Variants in TRIM14 observed in about 807,000 individuals in gnomAD.
TRIM14 encodes the protein tripartite motif-containing protein 14.
In TRIM14, 28 loss-of-function variants were observed where a neutral mutation model predicts 44.5. That is an observed-to-expected ratio of 0.63 (90% CI 0.47 to 0.86). TRIM14 has a LOEUF of 0.86. Ranked by LOEUF, TRIM14 falls within the 40% of genes least tolerant of loss-of-function variation. TRIM14 has a pLI of 0.00. For missense variants in TRIM14, 607 were observed against 611.1 expected (o/e 0.99, Z 0.07); for synonymous variants, 299 against 269.2 (o/e 1.11, Z -1.08).
chr9:98,051,370 C>T, the TRIM14 span, among the ~76,000 whole-genome samples: 1 of 152,140 alleles, frequency 6.6e-6, no homozygotes, highest in African/African-American at 2.4e-5. Flanking sequence ...CTCTATAATG[C>T]CCGACGTGAT....
At chr9:98,092,102 C>T (rs1291359345) in intron 4 of TRIM14, 101 bp from the exon 5 acceptor site, 2 of 853,044 alleles carry the variant, frequency 2.3e-6, no homozygotes, top group Non-Finnish European at 1.8e-6. Context: ...ATAATCTCGC[C>T]CAAGAGCCAG....
intron 1 of TRIM14, among the ~76,000 whole-genome samples, chr9:98,111,831 G>A (rs1287201932): frequency 2.6e-5 from 4 of 151,946 alleles, no homozygotes; most frequent in South Asian, 2.1e-4. Context: ...CCAGCTACTC[G>A]GGAGGCTGAG....
chr9:98,036,025 A>G, the TRIM14 span, among the ~76,000 whole-genome samples: 5 of 152,036 alleles, frequency 3.3e-5, no homozygotes, highest in African/African-American at 1.2e-4. Flanking sequence ...CCTGACCAAC[A>G]TGGTGAAACC....
downstream of TRIM14, among the ~76,000 whole-genome samples, chr9:98,067,648 T>TTATA (rs1310442973): frequency 2.6e-5 from 4 of 152,252 alleles, no homozygotes; most frequent in Non-Finnish European, 5.9e-5. Flanking sequence ...TGTCTTTATA[T>TTATA]ATTTTAAGTA....
At chr9:98,067,363 G>A (rs370852833), downstream of TRIM14, among the ~76,000 whole-genome samples, 301 of 152,254 alleles carry the variant, frequency 2.0e-3, no homozygotes, top group African/African-American at 6.9e-3. Context: ...CACCATTCCC[G>A]CCAGCAGGGT....
At chr9:98,054,322 C>T in the TRIM14 span, among the ~76,000 whole-genome samples, 1 of 152,170 alleles carries the variant, frequency 6.6e-6, no homozygotes, top group Non-Finnish European at 1.5e-5. Context: ...AAGAGTATTC[C>T]TTCCAAACTA....
intron 2 of TRIM14, among the ~76,000 whole-genome samples, chr9:98,107,607 G>A (rs1038958243): frequency 6.6e-6 from 1 of 152,064 alleles, no homozygotes; most frequent in African/African-American, 2.4e-5. Flanking sequence ...ATTAATAATT[G>A]CCAGGGGTTA....
chr9:98,110,848 A>AAAAT (rs1826820726), intron 1 of TRIM14, among the ~76,000 whole-genome samples: 1 of 130,528 alleles, frequency 7.7e-6, no homozygotes, highest in Non-Finnish European at 1.6e-5. Flanking sequence ...CTCTACCACA[A>AAAAT]AAAATAAAAT....
chr9:98,091,879 C>T (rs1826005733), intron 5 of TRIM14, 30 bp downstream of exon 5: 2 of 1,522,446 alleles, frequency 1.3e-6, no homozygotes, highest in African/African-American at 2.7e-5. Context: ...TCCACCGTCT[C>T]CACCCTATCC....
chr9:98,050,394 C>T, the TRIM14 span, among the ~76,000 whole-genome samples: 60 of 152,294 alleles, frequency 3.9e-4, no homozygotes, highest in African/African-American at 1.4e-3. Flanking sequence ...AACAGTAGAA[C>T]AGTGAGTTTT....
At chr9:98,096,936 C>T (rs938648113) in intron 3 of TRIM14, among the ~76,000 whole-genome samples, 2 of 152,180 alleles carry the variant, frequency 1.3e-5, no homozygotes, top group African/African-American at 4.8e-5. Context: ...CAGTGGCTCA[C>T]ACCTCCCAGC....
chr9:98,090,515 A>T (rs959920727), intron 5 of TRIM14, among the ~76,000 whole-genome samples: 3 of 151,554 alleles, frequency 2.0e-5, no homozygotes, highest in Non-Finnish European at 4.4e-5. Flanking sequence ...TTTCCTTTTT[A>T]AAAAATCATT....
At chr9:98,041,097 C>T in the TRIM14 span, among the ~76,000 whole-genome samples, 7 of 151,990 alleles carry the variant, frequency 4.6e-5, no homozygotes, top group Admixed American at 4.6e-4. Flanking sequence ...CCAGTATTCT[C>T]ATCTACAGTT....
downstream of TRIM14, among the ~76,000 whole-genome samples, chr9:98,068,347 T>C (rs372072261): frequency 2.0e-3 from 296 of 151,634 alleles, no homozygotes; most frequent in African/African-American, 6.9e-3. Context: ...ACCTTGTTGG[T>C]CAGGCTGGTC....
chr9:98,048,120 CA>C, the TRIM14 span, among the ~76,000 whole-genome samples: 2 of 150,990 alleles, frequency 1.3e-5, no homozygotes, highest in African/African-American at 4.9e-5. Flanking sequence ...GACTGAGAGA[CA>C]AGACTCCCAT....
chr9:98,052,596 C>A, the TRIM14 span, among the ~76,000 whole-genome samples: 5 of 152,178 alleles, frequency 3.3e-5, no homozygotes, highest in Admixed American at 2.0e-4. Context: ...CAACCTCCAC[C>A]TCCTGGGTTC....
At chr9:98,083,452 T>C (rs574645341), downstream of TRIM14, among the ~76,000 whole-genome samples, 4 of 152,372 alleles carry the variant, frequency 2.6e-5, no homozygotes, top group African/African-American at 9.6e-5. Flanking sequence ...CTCCATTGTC[T>C]TTATCCCTTT....
chr9:98,083,143 C>A, downstream of TRIM14: 3 of 1,303,594 alleles, frequency 2.3e-6, no homozygotes, highest in East Asian at 2.5e-5. Context: ...ATGGCGGTCT[C>A]CAGGGACCTG....
downstream of TRIM14, among the ~76,000 whole-genome samples, chr9:98,064,415 G>T (rs1038838119): frequency 6.6e-6 from 1 of 151,862 alleles, no homozygotes; most frequent in South Asian, 2.1e-4. Context: ...CACCACACAC[G>T]GCTAGTTTTT....
Sources: gnomAD v4.1 joint callset for allele counts (sites outside exome capture counted in the v4.1 genomes callset) on GRCh38, gnomAD v4.1.1 for gene constraint, MANE v1.5 for transcripts, NCBI Gene and HGNC (gene_info 2026-07-23, HGNC 2026-07-21) for gene names.